Variants in CSMD1 observed in about 807,000 individuals in gnomAD.
The protein encoded by CSMD1 is CUB and Sushi multiple domains 1, also known as CUB and sushi domain-containing protein 1.
CSMD1 carries 213 observed loss-of-function variants against 417.5 expected under a neutral mutation model. The ratio of observed to expected loss-of-function variants is 0.51; its 90% CI spans 0.46 to 0.57. CSMD1 has a LOEUF of 0.57. Ranked by LOEUF, CSMD1 falls within the 20% of genes least tolerant of loss-of-function variation. CSMD1 has a pLI of 0.00. For synonymous variants in CSMD1, 2,862 were observed against 1,736.8 expected (o/e 1.65, Z -16.11); for missense variants, 6,923 against 4,529.7 (o/e 1.53, Z -15.17).
At chr8:3,479,542 A>C (rs1441585791) in intron 11 of CSMD1, among the ~76,000 whole-genome samples, 4 of 152,216 alleles carry the variant, frequency 2.6e-5, no homozygotes, top group African/African-American at 9.6e-5. Flanking sequence ...GGCCCCCCAA[A>C]GTGCTGGGAT....
intron 41 of CSMD1, 106 bp downstream of exon 41, chr8:3,142,359 C>T (rs1818555228): frequency 3.1e-6 from 3 of 983,120 alleles, no homozygotes; most frequent in Non-Finnish European, 3.0e-6. Flanking sequence ...AAAATTATTC[C>T]ACTCGTACAA....
At chr8:4,982,659 G>A (rs751088525) in intron 1 of CSMD1, among the ~76,000 whole-genome samples, 6 of 152,158 alleles carry the variant, frequency 3.9e-5, no homozygotes, top group Non-Finnish European at 5.9e-5. Context: ...ACACTTTACA[G>A]TATTTTTATA....
At chr8:4,463,071 A>G (rs1260044081) in intron 2 of CSMD1, among the ~76,000 whole-genome samples, 1 of 152,228 alleles carries the variant, frequency 6.6e-6, no homozygotes, top group African/African-American at 2.4e-5. Flanking sequence ...TCTGGAATAC[A>G]TAAAGATCTC....
intron 1 of CSMD1, among the ~76,000 whole-genome samples, chr8:4,883,417 A>T (rs1386693818): frequency 2.6e-5 from 4 of 152,084 alleles, no homozygotes; most frequent in Non-Finnish European, 5.9e-5. Context: ...CAAGATCATC[A>T]CCACTCTCTC....
intron 5 of CSMD1, among the ~76,000 whole-genome samples, chr8:3,900,840 C>T (rs998974519): frequency 5.3e-5 from 8 of 152,226 alleles, no homozygotes; most frequent in Non-Finnish European, 8.8e-5. Flanking sequence ...TTGCTCTTCT[C>T]ATTTCCGAGC....
intron 3 of CSMD1, among the ~76,000 whole-genome samples, chr8:4,321,761 G>C (rs1035792656): frequency 4.6e-5 from 7 of 151,978 alleles, no homozygotes; most frequent in African/African-American, 7.2e-5. Flanking sequence ...CTTTCAAAAA[G>C]GATGCTTTGA....
intron 10 of CSMD1, among the ~76,000 whole-genome samples, chr8:3,538,850 G>C (rs892265592): frequency 6.6e-6 from 1 of 152,156 alleles, no homozygotes; most frequent in Non-Finnish European, 1.5e-5. Flanking sequence ...TGCTGCTGCG[G>C]TCTTCCTAAG....
In CSMD1 at chr8:4,471,059, TAATA is replaced by T. The variant is rs1263926565; in HGVS notation, c.303-50998_303-50995del. Among the ~76,000 whole-genome samples, 6 of 152,308 alleles carry T rather than the reference TAATA, an allele frequency of 3.9e-5. 1 individual carries two copies. Among genetic ancestry groups the T allele is most frequent in the African/African-American group, 1.2e-4 (5 of 41,576 alleles). On this transcript the variant is annotated intron_variant, in intron 2 of 69. Coordinates refer to ENST00000635120, the MANE Select transcript of CSMD1 (RefSeq NM_033225.6). ...AACTTGCAAGGTCTAATTTCCTCAT[TAATA>T]AATCAGTTAAAATCTTTGACATATT...
At chr8:4,991,555 G>C (rs1811462987) in intron 1 of CSMD1, among the ~76,000 whole-genome samples, 2 of 152,166 alleles carry the variant, frequency 1.3e-5, no homozygotes, top group Admixed American at 1.3e-4. Context: ...CCGGGCGCGC[G>C]CGGCGCAGCT....
Position 4,853,272 on chromosome 8 carries a change from G to A in CSMD1, c.85+141060C>T, listed in dbSNP as rs907156069. 5.9e-5 allele frequency among the ~76,000 whole-genome samples: 9 copies of A among 152,252 alleles called. No individual in the cohort carries two copies. The South Asian group carries it at 1.7e-3, about 28-fold the overall frequency. On this transcript the variant is annotated intron_variant, in intron 1 of 69. Coordinates refer to ENST00000635120, the MANE Select transcript of CSMD1 (RefSeq NM_033225.6). ...AGCCCTTCCCATGACAGGCCCAGAGGTCTACAAAGAAAGAACAATTTTATG... is the reference window on the plus strand; with the variant it reads ...AGCCCTTCCCATGACAGGCCCAGAGATCTACAAAGAAAGAACAATTTTATG...
intron 18 of CSMD1, among the ~76,000 whole-genome samples, chr8:3,378,545 C>G (rs935042047): frequency 6.6e-6 from 1 of 152,196 alleles, no homozygotes; most frequent in Non-Finnish European, 1.5e-5. Context: ...AAAAGCCTAT[C>G]CACCATGATC....
intron 3 of CSMD1, among the ~76,000 whole-genome samples, chr8:4,119,761 C>A (rs1173510199): frequency 6.6e-6 from 1 of 152,188 alleles, no homozygotes; most frequent in Non-Finnish European, 1.5e-5. Context: ...ACATCCATGG[C>A]ATTTTGCTAC....
chr8:4,777,942 T>C (rs931511031), intron 1 of CSMD1, among the ~76,000 whole-genome samples: 2 of 152,150 alleles, frequency 1.3e-5, no homozygotes, highest in Non-Finnish European at 2.9e-5. Context: ...ACGGTTGTAG[T>C]AGGGATGTGT....
intron 3 of CSMD1, among the ~76,000 whole-genome samples, chr8:4,130,754 G>C (rs1472595802): frequency 6.6e-6 from 1 of 151,764 alleles, no homozygotes; most frequent in African/African-American, 2.4e-5. Flanking sequence ...AAGATTTTGA[G>C]GTGGTTAACA....
intron 5 of CSMD1, among the ~76,000 whole-genome samples, chr8:3,820,426 C>A (rs1333325010): frequency 2.0e-5 from 3 of 152,208 alleles, no homozygotes; most frequent in African/African-American, 7.2e-5. Context: ...TAGGCCTACA[C>A]AGGGTCAGGA....
In CSMD1 at chr8:3,223,879, C is replaced by G; in HGVS notation, c.4346-12G>C. The G allele has an allele frequency of 6.2e-7, 1 of 1,613,228 alleles. No individual in the cohort carries two copies. The highest frequency in any genetic ancestry group is 8.5e-7 in the Non-Finnish European group (1 of 1,179,478). The stretch of plus-strand genomic sequence containing the variant: ...CCCTCCACAAGCAGCTGTCACAGAA[C>G]AAAAGTTACAGAGAAAAAGTAAGGA... On this transcript the variant is annotated splice_polypyrimidine_tract_variant and intron_variant, in intron 27 of 69. Coordinates refer to ENST00000635120, the MANE Select transcript of CSMD1 (RefSeq NM_033225.6).
intron 5 of CSMD1, among the ~76,000 whole-genome samples, chr8:3,956,116 T>A (rs150044416): frequency 2.2e-3 from 333 of 152,318 alleles, no homozygotes; most frequent in African/African-American, 7.7e-3. Flanking sequence ...TCTAACCCTT[T>A]TAAGTTCTGA....
intron 2 of CSMD1, among the ~76,000 whole-genome samples, chr8:4,477,623 G>T (rs574223862): frequency 3.3e-5 from 5 of 152,218 alleles, no homozygotes; most frequent in African/African-American, 1.2e-4. Flanking sequence ...CACAGAGAAA[G>T]GCACTGTGAG....
At chr8:4,379,901 C>G (rs1006362645) in intron 3 of CSMD1, among the ~76,000 whole-genome samples, 3 of 152,186 alleles carry the variant, frequency 2.0e-5, no homozygotes, top group African/African-American at 7.2e-5. Flanking sequence ...GTGTTCCACA[C>G]ACTGGACGTG....
Sources: gnomAD v4.1 joint callset for allele counts (sites outside exome capture counted in the v4.1 genomes callset) on GRCh38, gnomAD v4.1.1 for gene constraint, MANE v1.5 for transcripts, NCBI Gene and HGNC (gene_info 2026-07-23, HGNC 2026-07-21) for gene names.